Variants in RARB observed in about 807,000 individuals in gnomAD.
RARB encodes the protein HBV-activated protein.
RARB carries 17 observed loss-of-function variants against 51.9 expected under a neutral mutation model. The ratio of observed to expected loss-of-function variants is 0.33; its 90% CI spans 0.22 to 0.49. RARB has a LOEUF of 0.49. Ranked by LOEUF, RARB falls within the 20% of genes least tolerant of loss-of-function variation. The pLI, the probability that RARB is intolerant of heterozygous loss-of-function variation, is 0.99. For missense variants in RARB, 369 were observed against 550.8 expected (o/e 0.67, Z 3.30); for synonymous variants, 215 against 195.4 (o/e 1.10, Z -0.84).
chr3:25,542,461 T>C (rs1182201579), intron 3 of RARB, among the ~76,000 whole-genome samples: 1 of 152,152 alleles, frequency 6.6e-6, no homozygotes, highest in Non-Finnish European at 1.5e-5. Flanking sequence ...GAGAAATAGA[T>C]GCTAAGTACT....
chr3:25,021,319 A>T (rs77855549), intron 2 of RARB, among the ~76,000 whole-genome samples: 3,424 of 152,296 alleles, frequency 0.022, 124 homozygotes, highest in African/African-American at 0.079. Context: ...TTCTGGTATT[A>T]CCTGAGAAAG....
At chr3:25,098,164 T>A (rs1164754338) in intron 3 of RARB, among the ~76,000 whole-genome samples, 1 of 151,644 alleles carries the variant, frequency 6.6e-6, no homozygotes, top group Non-Finnish European at 1.5e-5. Context: ...CCACAGGGGG[T>A]GAAGCTGGAG....
intron 1 of RARB, among the ~76,000 whole-genome samples, chr3:25,431,225 A>G (rs1396172728): frequency 1.3e-5 from 2 of 152,138 alleles, no homozygotes; most frequent in Non-Finnish European, 2.9e-5. Flanking sequence ...AAAAAGTACT[A>G]AATTCCAACC....
chr3:25,331,937 A>C (rs934397403), intron 5 of RARB, among the ~76,000 whole-genome samples: 9 of 152,164 alleles, frequency 5.9e-5, no homozygotes, highest in African/African-American at 2.2e-4. Context: ...GAAATGGATA[A>C]ATACCTGGAC....
intron 5 of RARB, among the ~76,000 whole-genome samples, chr3:25,284,957 C>T (rs1049142827): frequency 6.6e-6 from 1 of 152,156 alleles, no homozygotes; most frequent in African/African-American, 2.4e-5. Flanking sequence ...TACCAAATGT[C>T]CTTATAGCAG....
intron 2 of RARB, among the ~76,000 whole-genome samples, chr3:25,046,271 G>C (rs1320188443): frequency 6.6e-6 from 1 of 152,142 alleles, no homozygotes; most frequent in Non-Finnish European, 1.5e-5. Context: ...ATATGCCTTT[G>C]AAAAACTGCA....
chr3:25,558,481 T>C (rs112007674), intron 3 of RARB, among the ~76,000 whole-genome samples: 2 of 152,088 alleles, frequency 1.3e-5, no homozygotes, highest in African/African-American at 4.8e-5. Context: ...CGTATCCTTT[T>C]CCCTTTCCCA....
At chr3:25,012,641 G>A (rs979427302) in intron 2 of RARB, among the ~76,000 whole-genome samples, 2 of 152,126 alleles carry the variant, frequency 1.3e-5, no homozygotes, top group African/African-American at 4.8e-5. Flanking sequence ...TTTCTAATGA[G>A]TGAGCACCTA....
intron 5 of RARB, among the ~76,000 whole-genome samples, chr3:25,397,309 T>G (rs1707142823): frequency 6.6e-6 from 1 of 150,898 alleles, no homozygotes; most frequent in African/African-American, 2.4e-5. Flanking sequence ...ATGATCTGGA[T>G]TTTCAGGTTC....
At chr3:25,306,934 G>T (rs1171062091) in intron 5 of RARB, among the ~76,000 whole-genome samples, 2 of 152,036 alleles carry the variant, frequency 1.3e-5, no homozygotes, top group African/African-American at 4.8e-5. Flanking sequence ...CTCTTTCCTT[G>T]CCCAGGCTTG....
At chr3:25,128,040 T>C (rs555030428) in intron 3 of RARB, among the ~76,000 whole-genome samples, 1 of 152,230 alleles carries the variant, frequency 6.6e-6, no homozygotes, top group East Asian at 1.9e-4. Context: ...AAACATTTGC[T>C]AACCGGTTGC....
intron 2 of RARB, among the ~76,000 whole-genome samples, chr3:24,915,092 C>G (rs1268483840): frequency 6.6e-6 from 1 of 152,138 alleles, no homozygotes; most frequent in African/African-American, 2.4e-5. Flanking sequence ...GAGGACCACT[C>G]TTTATAAGAG....
intron 4 of RARB, among the ~76,000 whole-genome samples, chr3:25,575,743 T>G (rs984654448): frequency 1.3e-5 from 2 of 152,250 alleles, no homozygotes; most frequent in African/African-American, 4.8e-5. Context: ...TACCTCATTT[T>G]AACTTGATTA....
chr3:25,069,245 A>G (rs941004646), intron 3 of RARB, among the ~76,000 whole-genome samples: 11 of 151,604 alleles, frequency 7.3e-5, no homozygotes, highest in African/African-American at 2.0e-4. Flanking sequence ...TGTCTGCTTT[A>G]TGAAATAAAC....
At chr3:25,415,985 C>T (rs917594033) in intron 5 of RARB, among the ~76,000 whole-genome samples, 1 of 152,164 alleles carries the variant, frequency 6.6e-6, no homozygotes, top group Non-Finnish European at 1.5e-5. Context: ...GGGCAAGGAA[C>T]ACACAGCAAT....
chr3:25,006,697 G>T (rs1465895141), intron 2 of RARB, among the ~76,000 whole-genome samples: 1 of 152,062 alleles, frequency 6.6e-6, no homozygotes, highest in Non-Finnish European at 1.5e-5. Context: ...ATAAATCACA[G>T]GCAATTAGGT....
At chr3:25,198,499 G>A (rs924133890) in intron 5 of RARB, among the ~76,000 whole-genome samples, 2 of 151,984 alleles carry the variant, frequency 1.3e-5, no homozygotes, top group African/African-American at 4.8e-5. Context: ...CAGAATGGGA[G>A]AAAATATTTG....
intron 5 of RARB, among the ~76,000 whole-genome samples, chr3:25,348,938 C>G (rs729236): frequency 0.34 from 52,171 of 152,080 alleles, 9,246 homozygotes; most frequent in South Asian, 0.48. Flanking sequence ...TTCAGAAACA[C>G]TGCAGTAGAG....
intron 5 of RARB, among the ~76,000 whole-genome samples, chr3:25,585,173 G>A: frequency 6.6e-6 from 1 of 152,114 alleles, no homozygotes. Context: ...TTCCTTTCAG[G>A]CTCTAGAAAG....
Sources: gnomAD v4.1 joint callset for allele counts (sites outside exome capture counted in the v4.1 genomes callset) on GRCh38, gnomAD v4.1.1 for gene constraint, MANE v1.5 for transcripts, NCBI Gene and HGNC (gene_info 2026-07-23, HGNC 2026-07-21) for gene names.